GALNTL6: variants seen among roughly 807,000 people sequenced by gnomAD.
GALNTL6 encodes polypeptide N-acetylgalactosaminyltransferase like 6, also known as polypeptide N-acetylgalactosaminyltransferase-like 6.
GALNTL6 carries 46 observed loss-of-function variants against 73.7 expected under a neutral mutation model. The observed-to-expected ratio is 0.62, with a 90% CI of 0.49 to 0.80. GALNTL6 has a LOEUF of 0.80. Ranked by LOEUF, GALNTL6 falls within the 30% of genes least tolerant of loss-of-function variation. GALNTL6 has a pLI of 0.00. For missense variants in GALNTL6, 604 were observed against 755.0 expected (o/e 0.80, Z 2.34); for synonymous variants, 259 against 263.7 (o/e 0.98, Z 0.17).
intron 2 of GALNTL6, among the ~76,000 whole-genome samples, chr4:171,904,087 C>T (rs1288813808): frequency 3.3e-5 from 5 of 152,148 alleles, no homozygotes; most frequent in Admixed American, 6.5e-5. Context: ...AGCAGAGCGC[C>T]TCTCCTCCTC....
At chr4:172,863,740 T>A (rs531875151) in intron 7 of GALNTL6, among the ~76,000 whole-genome samples, 55 of 152,126 alleles carry the variant, frequency 3.6e-4, no homozygotes, top group Admixed American at 8.5e-4. Flanking sequence ...AATGCTGAAA[T>A]GAGTTAAGAT....
At chr4:172,333,128 G>T (rs1298479863) in intron 4 of GALNTL6, among the ~76,000 whole-genome samples, 1 of 152,068 alleles carries the variant, frequency 6.6e-6, no homozygotes, top group African/African-American at 2.4e-5. Context: ...ACTGATGGCC[G>T]GGTGCAGTGG....
chr4:172,496,704 A>G (rs1367047242), intron 5 of GALNTL6, among the ~76,000 whole-genome samples: 1 of 152,124 alleles, frequency 6.6e-6, no homozygotes, highest in East Asian at 1.9e-4. Context: ...AATTAGTTGT[A>G]CTTAGTGATA....
intron 2 of GALNTL6, among the ~76,000 whole-genome samples, chr4:171,942,269 T>TAATAAATAAATAA (rs1553972685): frequency 6.9e-6 from 1 of 144,148 alleles, no homozygotes. Context: ...TAAATAAATA[T>TAATAAATAAATAA]AATATACAGA....
chr4:172,514,599 C>T (rs1244029704), intron 5 of GALNTL6, among the ~76,000 whole-genome samples: 1 of 152,188 alleles, frequency 6.6e-6, no homozygotes, highest in African/African-American at 2.4e-5. Flanking sequence ...CCTCCACCCC[C>T]AGATTCTGCC....
chr4:172,377,090 G>A (rs190407267), intron 5 of GALNTL6, among the ~76,000 whole-genome samples: 66 of 152,208 alleles, frequency 4.3e-4, no homozygotes, highest in Admixed American at 1.5e-3. Flanking sequence ...CTGCTGGCTC[G>A]GGCAGCCTGC....
intron 3 of GALNTL6, among the ~76,000 whole-genome samples, chr4:172,295,531 G>GTTTTTTTTTTTTTTTTTTTTTTTTTT (rs58721038): frequency 1.4e-5 from 1 of 73,164 alleles, no homozygotes; most frequent in Non-Finnish European, 2.4e-5. Flanking sequence ...CTTTTTTTAG[G>GTTTTTTTTTTTTTTTTTTTTTTTTTT]TTTTTTTTTT....
rs1292070493 is a variant in GALNTL6, at chr4:172,130,516, T to C, written c.139-99140T>C. Among the ~76,000 whole-genome samples, 5 of 152,008 alleles carry C rather than the reference T, an allele frequency of 3.3e-5. No individual in the cohort carries two copies. In the East Asian group the frequency reaches 7.7e-4, roughly 23 times the overall value. On this transcript the variant is annotated intron_variant, in intron 2 of 12. Transcript: ENST00000506823. ...GAAGCAAGATTTATGATATATTTGT[T>C]TCTAATTGTAAAATATTTTCTTTCT...
intron 12 of GALNTL6, among the ~76,000 whole-genome samples, chr4:173,033,011 T>A (rs958033596): frequency 1.3e-5 from 2 of 152,168 alleles, no homozygotes; most frequent in African/African-American, 4.8e-5. Context: ...TTCTTTTCTT[T>A]TTTTTTTGAG....
chr4:172,895,870 C>T (rs1407814021), intron 8 of GALNTL6, among the ~76,000 whole-genome samples: 1 of 152,154 alleles, frequency 6.6e-6, no homozygotes, highest in Non-Finnish European at 1.5e-5. Flanking sequence ...TTCAAGCTCA[C>T]TGATTCTTTT....
intron 5 of GALNTL6, among the ~76,000 whole-genome samples, chr4:172,575,191 A>G (rs1736915101): frequency 6.6e-6 from 1 of 152,192 alleles, no homozygotes; most frequent in African/African-American, 2.4e-5. Flanking sequence ...TTAACTCCAG[A>G]AACAGCTTTG....
intron 2 of GALNTL6, among the ~76,000 whole-genome samples, chr4:172,015,437 C>T (rs1170163873): frequency 1.3e-5 from 2 of 151,716 alleles, no homozygotes; most frequent in African/African-American, 4.8e-5. Flanking sequence ...TGTATGAGTT[C>T]TTGTGTGTTA....
chr4:172,565,229 A>T (rs1027569305), intron 5 of GALNTL6, among the ~76,000 whole-genome samples: 1 of 152,238 alleles, frequency 6.6e-6, no homozygotes, highest in South Asian at 2.1e-4. Context: ...ATTAGGTTTT[A>T]ACGTACTAAT....
At chr4:172,180,207 C>CT (rs1173798119) in intron 2 of GALNTL6, among the ~76,000 whole-genome samples, 1 of 152,128 alleles carries the variant, frequency 6.6e-6, no homozygotes, top group Non-Finnish European at 1.5e-5. Flanking sequence ...TGATGATGAG[C>CT]TTTTTTTCAT....
chr4:172,339,257 C>CCCCACA (rs1741462538), intron 4 of GALNTL6, among the ~76,000 whole-genome samples: 1 of 120,952 alleles, frequency 8.3e-6, no homozygotes, highest in African/African-American at 3.3e-5. Context: ...CACACACACA[C>CCCCACA]CACACACACA....
At chr4:171,824,308 A>G (rs549221) in intron 2 of GALNTL6, among the ~76,000 whole-genome samples, 102,352 of 151,382 alleles carry the variant, frequency 0.68, 37,620 homozygotes, top group East Asian at 0.83. Flanking sequence ...CAATATGCAC[A>G]GTGGTGAAGG....
intron 2 of GALNTL6, among the ~76,000 whole-genome samples, chr4:171,874,814 C>T (rs534100501): frequency 7.9e-5 from 12 of 152,306 alleles, no homozygotes; most frequent in African/African-American, 2.6e-4. Context: ...GGAAATAAAA[C>T]ATTAAATATC....
chr4:172,935,555 G>T (rs1748569059), intron 9 of GALNTL6, among the ~76,000 whole-genome samples: 1 of 152,030 alleles, frequency 6.6e-6, no homozygotes, highest in Admixed American at 6.6e-5. Context: ...AAGAAGAAAA[G>T]AGAGAAGAAC....
At chr4:172,732,418 C>T (rs1320601233) in intron 5 of GALNTL6, among the ~76,000 whole-genome samples, 1 of 152,086 alleles carries the variant, frequency 6.6e-6, no homozygotes, top group Non-Finnish European at 1.5e-5. Flanking sequence ...TTATGTGTGT[C>T]TTTACAGGTA....
Sources: gnomAD v4.1 joint callset for allele counts (sites outside exome capture counted in the v4.1 genomes callset) on GRCh38, gnomAD v4.1.1 for gene constraint, MANE v1.5 for transcripts, NCBI Gene and HGNC (gene_info 2026-07-23, HGNC 2026-07-21) for gene names.